The following MIPOL1 variants were observed in gnomAD, a reference collection of about 807,000 sequenced individuals.
MIPOL1 encodes the protein mirror-image polydactyly gene 1 protein.
In MIPOL1, 57 loss-of-function variants were observed where a neutral mutation model predicts 60.9. The observed-to-expected ratio is 0.94, with a 90% CI of 0.76 to 1.17. The LOEUF (loss-of-function observed/expected upper bound fraction) is 1.17. Among genes scored for constraint, MIPOL1 ranks in the 50% most tolerant of loss-of-function variants. MIPOL1 has a pLI of 0.00. For synonymous variants in MIPOL1, 179 were observed against 168.8 expected, an observed-to-expected ratio of 1.06 and a Z score of -0.47; for missense variants, 551 against 511.6, an observed-to-expected ratio of 1.08 and a Z score of -0.74.
rs76862084 is a variant in MIPOL1 at position 37,202,219 on chromosome 14, C to A, written c.-199+4115C>A. On this transcript the variant is annotated intron_variant, in intron 1 of 12. Coordinates refer to ENST00000684589, the MANE Select transcript of MIPOL1 (RefSeq NM_001388067.1). ...CTAATGAAGGGTGTGAGGGTAATTT[C>A]ATCAGTGTGATCCTTCTTTGATATG... Among the ~76,000 whole-genome samples the A allele has an allele frequency of 3.4e-3, 524 of 152,250 alleles. 3 individuals are homozygous for A. The highest frequency in any genetic ancestry group is 0.012 in the African/African-American group (514 of 41,544).
intron 11 of MIPOL1, among the ~76,000 whole-genome samples, chr14:37,488,005 T>C (rs960348316): frequency 3.3e-5 from 5 of 152,242 alleles, no homozygotes; most frequent in Non-Finnish European, 7.3e-5. Context: ...CTGCTTTAAA[T>C]GTGTCCCAGA....
chr14:37,450,319 A>G (rs2094399139), intron 11 of MIPOL1, among the ~76,000 whole-genome samples: 1 of 152,148 alleles, frequency 6.6e-6, no homozygotes, highest in Non-Finnish European at 1.5e-5. Flanking sequence ...GCTGTGTCTC[A>G]GATTCTGTAT....
chr14:37,257,095 T>TGTGTGTGTGTGTG (rs138371471), intron 3 of MIPOL1, among the ~76,000 whole-genome samples: 5 of 137,708 alleles, frequency 3.6e-5, no homozygotes, highest in Admixed American at 7.5e-5. Context: ...TGGTTTTGTT[T>TGTGTGTGTGTGTG]TGTGTGTGTG....
intron 3 of MIPOL1, among the ~76,000 whole-genome samples, chr14:37,261,543 T>C (rs889633272): frequency 1.3e-5 from 2 of 152,088 alleles, no homozygotes; most frequent in African/African-American, 4.8e-5. Flanking sequence ...TTGCTTTTCT[T>C]AATATTTGAG....
chr14:37,290,036 T>A (rs1195046652), intron 7 of MIPOL1, among the ~76,000 whole-genome samples: 2 of 152,226 alleles, frequency 1.3e-5, no homozygotes, highest in African/African-American at 4.8e-5. Flanking sequence ...AATACCTTAT[T>A]CTCTGATTTA....
rs1046138390 is a variant in MIPOL1, at chr14:37,509,304, T to C, written c.1262+9166T>C. Among the ~76,000 whole-genome samples the C allele has an allele frequency of 3.9e-5, 6 of 152,020 alleles. No homozygotes were observed. In the East Asian group the frequency reaches 1.2e-3, roughly 29 times the overall value. Reference sequence around the variant, plus strand: ...CTCTGACAATTCTGAGAGTTTTATATATATATTATATGTATGCATGTGTAT... The same window carrying C: ...CTCTGACAATTCTGAGAGTTTTATACATATATTATATGTATGCATGTGTAT... On this transcript the variant is annotated intron_variant, in intron 12 of 12. Coordinates refer to ENST00000684589, the MANE Select transcript of MIPOL1 (RefSeq NM_001388067.1).
At chr14:37,518,550 G>T (rs2095388408) in intron 12 of MIPOL1, among the ~76,000 whole-genome samples, 1 of 152,098 alleles carries the variant, frequency 6.6e-6, no homozygotes, top group African/African-American at 2.4e-5. Flanking sequence ...GGCCAGGCTG[G>T]TCTTGAACTC....
chr14:37,251,696 G>A (rs373529911), intron 3 of MIPOL1, among the ~76,000 whole-genome samples: 9 of 151,878 alleles, frequency 5.9e-5, no homozygotes, highest in African/African-American at 9.6e-5. Context: ...CATAGAGATC[G>A]TAAATCTTAT....
intron 12 of MIPOL1, among the ~76,000 whole-genome samples, chr14:37,520,926 CTTTTTTTTTTTTTTTT>C (rs11299536): frequency 4.2e-5 from 2 of 47,724 alleles, no homozygotes; most frequent in South Asian, 1.9e-3. Context: ...TAACATTTTA[CTTTTTTTTTTTTTTTT>C]TTTTTTTTTT....
chr14:37,524,559 C>CTTTTTTTTTTTTTTTTTTT (rs1171387928), intron 12 of MIPOL1, among the ~76,000 whole-genome samples: 2 of 18,500 alleles, frequency 1.1e-4, no homozygotes. Flanking sequence ...CTTAATTTTT[C>CTTTTTTTTTTTTTTTTTTT]TTTTTCTTTT....
chr14:37,388,249 T>A (rs745912553), intron 10 of MIPOL1, among the ~76,000 whole-genome samples: 3 of 151,954 alleles, frequency 2.0e-5, no homozygotes, highest in Admixed American at 2.0e-4. Context: ...TTTAAGCACC[T>A]GTAAGCCTTT....
At chr14:37,506,313 C>T (rs1407279868) in intron 12 of MIPOL1, 7 of 152,146 alleles carry the variant, frequency 4.6e-5, no homozygotes, top group African/African-American at 1.7e-4. Flanking sequence ...GCAAAAACAA[C>T]AAAGCTGGAG....
chr14:37,224,155 A>G (rs1969301687), intron 1 of MIPOL1, among the ~76,000 whole-genome samples: 1 of 152,164 alleles, frequency 6.6e-6, no homozygotes, highest in Admixed American at 6.5e-5. Context: ...GGTTATAGGA[A>G]GTGACTGAGT....
chr14:37,543,395 C>A (rs1288477849), intron 12 of MIPOL1, among the ~76,000 whole-genome samples: 1 of 152,102 alleles, frequency 6.6e-6, no homozygotes, highest in African/African-American at 2.4e-5. Flanking sequence ...TGTGTCTCAG[C>A]CTCCCGAATA....
In MIPOL1 at chr14:37,490,246, C is replaced by T. The variant is rs147020128; in HGVS notation, c.1032-9662C>T. Reference sequence around the variant, plus strand: ...TCGAACTTCCCTGTGGCTTTGTTTACACTGTGAGAGTAAAACTGCCTACTC... The same window carrying T: ...TCGAACTTCCCTGTGGCTTTGTTTATACTGTGAGAGTAAAACTGCCTACTC... On this transcript the variant is annotated intron_variant, in intron 11 of 12. Coordinates refer to ENST00000684589, the MANE Select transcript of MIPOL1 (RefSeq NM_001388067.1). Among the ~76,000 whole-genome samples, 1,055 of 152,298 alleles carry T rather than the reference C, an allele frequency of 6.9e-3. 12 individuals carry two copies. The highest frequency in any genetic ancestry group is 0.024 in the African/African-American group (1,014 of 41,572).
At chr14:37,212,835 G>A (rs374601315) in intron 1 of MIPOL1, among the ~76,000 whole-genome samples, 8 of 152,300 alleles carry the variant, frequency 5.3e-5, no homozygotes, top group African/African-American at 1.7e-4. Flanking sequence ...GGATACTTAT[G>A]TCACTTTACC....
At chr14:37,290,237 G>A (rs1209372114) in intron 7 of MIPOL1, among the ~76,000 whole-genome samples, 1 of 151,960 alleles carries the variant, frequency 6.6e-6, no homozygotes, top group Non-Finnish European at 1.5e-5. Context: ...TTGTTTGTTT[G>A]TTTTTTGAGA....
intron 9 of MIPOL1, among the ~76,000 whole-genome samples, chr14:37,364,856 C>T (rs2092416697): frequency 6.6e-6 from 1 of 152,146 alleles, no homozygotes; most frequent in Non-Finnish European, 1.5e-5. Flanking sequence ...AATCCATGAA[C>T]AAGGACTGTC....
chr14:37,235,896 T>A (rs1416711289), intron 1 of MIPOL1, among the ~76,000 whole-genome samples: 1 of 152,078 alleles, frequency 6.6e-6, no homozygotes, highest in African/African-American at 2.4e-5. Flanking sequence ...GGTTCCAGTT[T>A]CTCCATGACC....
Sources: allele counts gnomAD v4.1 joint callset (sites outside exome capture counted in the v4.1 genomes callset), GRCh38; gene constraint gnomAD v4.1.1; transcripts MANE v1.5; gene names NCBI Gene and HGNC (gene_info 2026-07-23, HGNC 2026-07-21).